LRRTM1: variants seen among roughly 807,000 people sequenced by gnomAD.
LRRTM1 encodes the protein leucine rich repeat transmembrane neuronal 1.
LRRTM1 carries 8 observed loss-of-function variants against 37.3 expected under a neutral mutation model. That is an observed-to-expected ratio of 0.21 (90% CI 0.13 to 0.39). The LOEUF (loss-of-function observed/expected upper bound fraction) is 0.39, where lower values mean the gene tolerates loss of function less well. LRRTM1 is among the 10% of genes least tolerant of loss of function. The pLI is 1.00. For missense variants in LRRTM1, 557 were observed against 691.0 expected (o/e 0.81, Z 2.17); for synonymous variants, 326 against 316.8 (o/e 1.03, Z -0.31).
In LRRTM1 at chr2:80,302,596, A is replaced by G. The variant is rs113974260; in HGVS notation, c.1224T>C (p.Pro408=). The change falls in exon 2 of 2, where the codon CCT becomes CCC. Residue 408 remains proline (P), a synonymous_variant. Coordinates refer to ENST00000295057, the MANE Select transcript of LRRTM1 (RefSeq NM_178839.5). The surrounding 1 kb of genome is among the most constrained non-coding windows in gnomAD (Gnocchi z 6.4). ...CGCCGCCTGGAAGAGCCACGGTGGC[A>G]GGCTCGAATGTGCCGTCGTGCTGCC... is the stretch of plus-strand genomic sequence containing the variant. The part of the protein sequence containing the change: ...GEGQHDGTFE[P]ATVALPGGEH... 4.3e-4 allele frequency: 684 copies of G among 1,606,566 alleles called. 5 individuals carry two copies. The African/African-American group carries it at 8.2e-3, about 19-fold the overall frequency.
chr2:80,295,657 T>C (rs1455355076), intron 2 of LRRTM1, among the ~76,000 whole-genome samples: 1 of 152,198 alleles, frequency 6.6e-6, no homozygotes, highest in Non-Finnish European at 1.5e-5. Context: ...CCTAGAAGAA[T>C]CCTTCTAAAA....
intron 2 of LRRTM1, among the ~76,000 whole-genome samples, chr2:80,294,885 AACAG>A (rs1469391246): frequency 3.9e-5 from 6 of 152,172 alleles, no homozygotes; most frequent in Non-Finnish European, 5.9e-5. Flanking sequence ...TTACATTGAG[AACAG>A]ACAAATAGCT....
chr2:80,297,567 C>A (rs1675857175), downstream of LRRTM1, among the ~76,000 whole-genome samples: 1 of 152,122 alleles, frequency 6.6e-6, no homozygotes, highest in Admixed American at 6.5e-5. Context: ...GAAATTGTGT[C>A]CAGTTGAGCA....
rs199727460 is a variant in LRRTM1, at chr2:80,303,802, G to T, written c.18C>A (p.Leu6=). The change falls in exon 2 of 2, where the codon CTC becomes CTA. Residue 6 remains leucine (L), a synonymous_variant. Coordinates refer to ENST00000295057, the MANE Select transcript of LRRTM1 (RefSeq NM_178839.5). This position sits in a 1 kb window ranked among gnomAD's most constrained non-coding sequence, Gnocchi z 7.7. MDFLL[L]GLCLYWLLRR... is the part of the protein sequence containing the mutation. ...TCAGCAGCCAGTATAGACAGAGACC[G>T]AGCAGCAGGAAATCCATTAGCGAGA... 3.7e-5 allele frequency: 56 copies of T among 1,513,644 alleles called. No homozygotes were observed. The highest frequency in any genetic ancestry group is 4.8e-5 in the Non-Finnish European group (54 of 1,131,654). The allele number at this position is 1,513,644 out of a possible 1,614,324, so 93.8% of individuals were successfully genotyped here.
At chr2:80,300,511 A>C (rs941495851), downstream of LRRTM1, among the ~76,000 whole-genome samples, 3 of 152,084 alleles carry the variant, frequency 2.0e-5, no homozygotes, top group Admixed American at 2.0e-4. Context: ...GCATTTCAAA[A>C]AGCTGATTTT....
In LRRTM1 at chr2:80,303,386, G is replaced by C; in HGVS notation, c.434C>G (p.Ser145Trp). The C allele has an allele frequency of 6.2e-7, 1 of 1,614,202 alleles. No homozygotes were observed. The highest frequency in any genetic ancestry group is 8.5e-7 in the Non-Finnish European group (1 of 1,180,046). Reference protein sequence around the residue: ...PMPNLRSVDLSYNKLQALAPD... With the variant: ...PMPNLRSVDLWYNKLQALAPD... The stretch of plus-strand genomic sequence containing the variant: ...CGCGAGCGCCTGCAGCTTGTTGTAC[G>C]AGAGGTCCACGCTGCGCAGGTTGGG... The change falls in exon 2 of 2, where the codon TCG becomes TGG. Residue 145 changes from serine (S) to tryptophan (W), a missense_variant. Transcript: ENST00000295057. The surrounding 1 kb of genome is among the most constrained non-coding windows in gnomAD (Gnocchi z 7.7).
In LRRTM1 at chr2:80,303,917, A is replaced by G; in HGVS notation, c.-59-39T>C. The G allele has an allele frequency of 7.2e-7, 1 of 1,397,466 alleles. No individual in the cohort carries two copies. Among genetic ancestry groups the G allele is most frequent in the Non-Finnish European group, 9.4e-7 (1 of 1,063,832 alleles). 86.6% of individuals were successfully genotyped at this position (1,397,466 alleles called of 1,614,324 possible). A position where few individuals can be genotyped will look rare whatever the true frequency, so the allele number is the denominator to read the frequency against. ...TATTCCGAGGGAGGGGAAGCGGGGG[A>G]GGGGGAGAAAAGGGCAAAAAATCAA... is the stretch of plus-strand genomic sequence containing the variant. On this transcript the variant is annotated intron_variant, in intron 1 of 1. Coordinates refer to ENST00000295057, the MANE Select transcript of LRRTM1 (RefSeq NM_178839.5). The surrounding 1 kb of genome is among the most constrained non-coding windows in gnomAD (Gnocchi z 7.7).
downstream of LRRTM1, among the ~76,000 whole-genome samples, chr2:80,297,428 T>A (rs963519264): frequency 1.3e-5 from 2 of 152,194 alleles, no homozygotes; most frequent in African/African-American, 4.8e-5. Context: ...TATTGTGATC[T>A]AGATAAAGGC....
chr2:80,296,575 A>T (rs6743980), intron 2 of LRRTM1, among the ~76,000 whole-genome samples: 4 of 151,962 alleles, frequency 2.6e-5, no homozygotes, highest in Non-Finnish European at 4.4e-5. Context: ...GGCAAGAGAA[A>T]GACTTAAAAG....
In LRRTM1 at chr2:80,303,689, C is replaced by G. The variant is rs758083765; in HGVS notation, c.131G>C (p.Arg44Pro). 3.1e-6 allele frequency: 5 copies of G among 1,610,466 alleles called. No homozygotes were observed. The highest frequency in any genetic ancestry group is 4.5e-5 in the East Asian group (2 of 44,758). ...AAPSGCPQLC[R>P]CEGRLLYCEA... Reference sequence around the variant, plus strand: ...GCAGTACAGCAGCCGCCCCTCGCACCGGCACAGCTGCGGGCACCCGCTGGG... The same window carrying G: ...GCAGTACAGCAGCCGCCCCTCGCACGGGCACAGCTGCGGGCACCCGCTGGG... The change falls in exon 2 of 2, where the codon CGG (arginine) becomes CCG (proline). Residue 44 changes from arginine to proline, a missense_variant. By Grantham distance (103) the Arg-to-Pro change is moderately radical. This residue lies in a region of LRRTM1 where 140 missense variants were observed against 138.1 expected (regional missense o/e 1.01). Coordinates refer to ENST00000295057, the MANE Select transcript of LRRTM1 (RefSeq NM_178839.5). This position sits in a 1 kb window ranked among gnomAD's most constrained non-coding sequence, Gnocchi z 7.7.
rs767794610 is a variant in LRRTM1, at chr2:80,302,281, G to C, written c.1539C>G (p.His513Gln). 4 of 1,613,976 alleles carry C rather than the reference G, an allele frequency of 2.5e-6. No individual in the cohort carries two copies. The East Asian group carries it at 8.9e-5, about 36-fold the overall frequency. ...IINEYGSCTC[H>Q]QQPARECEV ...CCTCGCATTCCCTCGCGGGCTGCTG[G>C]TGGCAGGTACACGAGCCATACTCGT... Residue 513 changes from histidine to glutamine, a missense_variant, in exon 2 of 2, where the codon CAC becomes CAG. Physicochemically the swap from His to Gln is conservative, Grantham distance 24 (BLOSUM62 0). This residue lies in a region of LRRTM1 where 90 missense variants were observed against 149.4 expected (regional missense o/e 0.60). Coordinates refer to ENST00000295057, the MANE Select transcript of LRRTM1 (RefSeq NM_178839.5). The surrounding 1 kb of genome is among the most constrained non-coding windows in gnomAD (Gnocchi z 6.4).
rs1424788950 is a variant in LRRTM1 at position 80,302,887 on chromosome 2, C to T, written c.933G>A (p.Leu311=). 6.2e-7 allele frequency: 1 copy of T among 1,614,122 alleles called. No homozygotes were observed. Among genetic ancestry groups the T allele is most frequent in the Non-Finnish European group, 8.5e-7 (1 of 1,180,024 alleles). The change falls in exon 2 of 2, where the codon CTG becomes CTA. Residue 311 remains leucine (L), a synonymous_variant. Coordinates refer to ENST00000295057, the MANE Select transcript of LRRTM1 (RefSeq NM_178839.5). This position sits in a 1 kb window ranked among gnomAD's most constrained non-coding sequence, Gnocchi z 6.4. ...GCCCGCAATCCCACAGGTTCCCGGC[C>T]AGGGTGATGCTTGTCAGGGACTTCC... The part of the protein sequence containing the change: ...NSWKSLTSIT[L]AGNLWDCGRN...
chr2:80,295,888 A>G (rs1307482728), intron 2 of LRRTM1, among the ~76,000 whole-genome samples: 1 of 152,188 alleles, frequency 6.6e-6, no homozygotes, highest in African/African-American at 2.4e-5. Flanking sequence ...TCATCTGCCC[A>G]TGAACCTCAC....
rs1430514843 is a variant in LRRTM1, at chr2:80,303,826, G to T, written c.-7C>A. 3 of 1,504,616 alleles carry T rather than the reference G, an allele frequency of 2.0e-6. No homozygotes were observed. Among genetic ancestry groups the T allele is most frequent in the African/African-American group, 2.8e-5 (2 of 71,676 alleles). 93.2% of individuals were successfully genotyped at this position (1,504,616 alleles called of 1,614,324 possible). On this transcript the variant is annotated 5_prime_UTR_variant, in exon 2 of 2. Coordinates refer to ENST00000295057, the MANE Select transcript of LRRTM1 (RefSeq NM_178839.5). This position sits in a 1 kb window ranked among gnomAD's most constrained non-coding sequence, Gnocchi z 7.7. ...CGAGCAGCAGGAAATCCATTAGCGA[G>T]AATCTTTCCAGAGAGACTGGAGAAT...
At chr2:80,293,726 A>C (rs146872987) in intron 2 of LRRTM1, among the ~76,000 whole-genome samples, 1 of 152,274 alleles carries the variant, frequency 6.6e-6, no homozygotes, top group African/African-American at 2.4e-5. Flanking sequence ...TCAGTGTCCT[A>C]CTAGGATTTA....
At position 80,302,305 on chromosome 2, in the gene LRRTM1, G is replaced by A; in HGVS notation, c.1515C>T (p.Asn505=). The A allele has an allele frequency of 2.5e-6, 4 of 1,614,190 alleles. No individual in the cohort carries two copies. The highest frequency in any genetic ancestry group is 2.5e-6 in the Non-Finnish European group (3 of 1,180,036). Residue 505 remains asparagine (N), a synonymous_variant, in exon 2 of 2, where the codon AAC becomes AAT. Coordinates refer to ENST00000295057, the MANE Select transcript of LRRTM1 (RefSeq NM_178839.5). The surrounding 1 kb of genome is among the most constrained non-coding windows in gnomAD (Gnocchi z 6.4). The part of the protein sequence containing the change: ...NHIEGALVII[N]EYGSCTCHQQ... The stretch of plus-strand genomic sequence containing the variant: ...GGTGGCAGGTACACGAGCCATACTC[G>A]TTGATGATCACCAGGGCTCCCTCAA...
At chr2:80,296,723 T>C (rs1675778948) in intron 2 of LRRTM1, among the ~76,000 whole-genome samples, 1 of 152,126 alleles carries the variant, frequency 6.6e-6, no homozygotes, top group African/African-American at 2.4e-5. Context: ...ACTCTTGACA[T>C]TTTAGGTCAA....
intron 2 of LRRTM1, among the ~76,000 whole-genome samples, chr2:80,290,727 GA>G (rs1338152500): frequency 6.6e-6 from 1 of 151,982 alleles, no homozygotes; most frequent in Non-Finnish European, 1.5e-5. Context: ...ACCCACATAA[GA>G]AACAATGTTT....
chr2:80,299,497 C>T (rs546926254), downstream of LRRTM1: 1 of 152,228 alleles, frequency 6.6e-6, no homozygotes, highest in Admixed American at 6.5e-5. Context: ...GACACACACA[C>T]AAAGTAAGAA....
Sources: allele counts gnomAD v4.1 joint callset (sites outside exome capture counted in the v4.1 genomes callset), GRCh38; gene constraint gnomAD v4.1.1; regional missense constraint gnomAD v4.1.1; non-coding constraint Gnocchi (gnomAD v3.1); transcripts MANE v1.5; gene names NCBI Gene and HGNC (gene_info 2026-07-23, HGNC 2026-07-21).